The following ERC2 variants were observed in gnomAD, a reference collection of about 807,000 sequenced individuals.
ERC2 encodes the protein ELKS/RAB6-interacting/CAST family member 2, also known as ERC protein 2.
Under a neutral mutation model 114.8 loss-of-function variants are expected in ERC2, and 42 were observed. The ratio of observed to expected loss-of-function variants is 0.37; its 90% confidence interval spans 0.29 to 0.47. The LOEUF is 0.47. Ranked by LOEUF, ERC2 falls within the 20% of genes least tolerant of loss-of-function variation. The pLI, the probability that ERC2 is intolerant of heterozygous loss-of-function variation, is 0.99. For missense variants in ERC2, 939 were observed against 1,150.7 expected (o/e 0.82, Z 2.66); for synonymous variants, 454 against 425.5 (o/e 1.07, Z -0.82).
At chr3:55,557,750 T>C (rs1273141415) in intron 17 of ERC2, among the ~76,000 whole-genome samples, 4 of 152,264 alleles carry the variant, frequency 2.6e-5, no homozygotes, top group African/African-American at 4.8e-5. Context: ...CCCTCTGCTT[T>C]CTGCATTCCC....
intron 14 of ERC2, among the ~76,000 whole-genome samples, chr3:55,820,236 G>T (rs575876406): frequency 1.1e-3 from 160 of 152,228 alleles, no homozygotes; most frequent in African/African-American, 3.6e-3. Context: ...AAACAGCATT[G>T]AGAAACAAGG....
At chr3:55,981,859 A>G (rs1056729097) in intron 12 of ERC2, among the ~76,000 whole-genome samples, 1 of 152,194 alleles carries the variant, frequency 6.6e-6, no homozygotes, top group Non-Finnish European at 1.5e-5. Context: ...CAAAGAAAAG[A>G]AAGAGTGGGG....
intron 13 of ERC2, among the ~76,000 whole-genome samples, chr3:55,892,680 G>A (rs1163102747): frequency 6.6e-6 from 1 of 151,962 alleles, no homozygotes; most frequent in African/African-American, 2.4e-5. Context: ...TATAAACATT[G>A]TTATAATTTC....
At chr3:56,083,278 G>A (rs73072521) in intron 6 of ERC2, among the ~76,000 whole-genome samples, 20,291 of 152,162 alleles carry the variant, frequency 0.13, 1,437 homozygotes, top group East Asian at 0.16. Context: ...AAAGCACCCC[G>A]AGTGAAAGAA....
chr3:56,075,871 A>T (rs1175689803), intron 7 of ERC2, among the ~76,000 whole-genome samples: 1 of 152,206 alleles, frequency 6.6e-6, no homozygotes, highest in East Asian at 1.9e-4. Context: ...TCAATTTTAC[A>T]CTAACAGGGA....
intron 14 of ERC2, among the ~76,000 whole-genome samples, chr3:55,796,972 T>A (rs567221653): frequency 1.4e-3 from 214 of 152,344 alleles, no homozygotes; most frequent in African/African-American, 5.1e-3. Context: ...CAGGCTTTAA[T>A]TCAAACACCT....
chr3:55,957,004 T>C (rs1260432965), intron 12 of ERC2, among the ~76,000 whole-genome samples: 1 of 151,808 alleles, frequency 6.6e-6, no homozygotes, highest in Non-Finnish European at 1.5e-5. Context: ...AACGCCAACA[T>C]ACTTAAAAAA....
intron 17 of ERC2, among the ~76,000 whole-genome samples, chr3:55,534,684 C>G (rs1379426252): frequency 6.6e-6 from 1 of 151,852 alleles, no homozygotes; most frequent in Admixed American, 6.6e-5. Context: ...CAACAGACCT[C>G]GTGTCAAAAA....
chr3:55,590,931 C>T (rs1408458589), intron 17 of ERC2, among the ~76,000 whole-genome samples: 4 of 152,096 alleles, frequency 2.6e-5, no homozygotes, highest in Non-Finnish European at 5.9e-5. Flanking sequence ...CGGGTTCAAG[C>T]GATTCTCATG....
chr3:55,792,498 T>TAATC (rs556050827), intron 14 of ERC2, among the ~76,000 whole-genome samples: 135 of 152,344 alleles, frequency 8.9e-4, no homozygotes, highest in South Asian at 7.3e-3. Context: ...TTCTTACACC[T>TAATC]AATCACCAGC....
intron 2 of ERC2, among the ~76,000 whole-genome samples, chr3:56,350,964 G>A (rs2058529569): frequency 6.6e-6 from 1 of 152,202 alleles, no homozygotes. Context: ...AAAGCTTAGA[G>A]AGTTCAAGCC....
At chr3:56,052,064 A>G (rs1312714610) in intron 7 of ERC2, among the ~76,000 whole-genome samples, 5 of 152,166 alleles carry the variant, frequency 3.3e-5, no homozygotes, top group Admixed American at 6.5e-5. Flanking sequence ...ACTTCGCTTT[A>G]AAAGAAACTA....
intron 13 of ERC2, among the ~76,000 whole-genome samples, chr3:55,945,666 A>C (rs2067081050): frequency 6.6e-6 from 1 of 152,178 alleles, no homozygotes; most frequent in Non-Finnish European, 1.5e-5. Flanking sequence ...TTGGCTGTAC[A>C]GGGTTGCACA....
chr3:55,946,051 T>G (rs2149435511), intron 13 of ERC2, among the ~76,000 whole-genome samples: 1 of 150,626 alleles, frequency 6.6e-6, no homozygotes, highest in East Asian at 1.9e-4. Context: ...CAGTGAGAAA[T>G]AGCTAGAGCT....
At chr3:55,661,155 A>G (rs1031270546) in intron 17 of ERC2, among the ~76,000 whole-genome samples, 2 of 152,142 alleles carry the variant, frequency 1.3e-5, no homozygotes, top group Non-Finnish European at 2.9e-5. Context: ...AAAAATATCT[A>G]TTTATTATCT....
Position 56,031,543 on chromosome 3 carries a change from C to G in ERC2, c.1642-12512G>C, listed in dbSNP as rs149256414. On this transcript the variant is annotated intron_variant, in intron 7 of 17. Transcript: ENST00000288221. Reference sequence around the variant, plus strand: ...AGTCTGTAAAGACTAGAAAAGGAGTCTACTTCTTCAAATGTGCAGACAAAA... The same window carrying G: ...AGTCTGTAAAGACTAGAAAAGGAGTGTACTTCTTCAAATGTGCAGACAAAA... 7.4e-3 allele frequency among the ~76,000 whole-genome samples: 1,120 copies of G among 152,328 alleles called. 12 individuals are homozygous for G. Among genetic ancestry groups the G allele is most frequent in the South Asian group, 0.036 (176 of 4,826 alleles).
At chr3:56,316,679 A>G (rs1277989191) in intron 2 of ERC2, among the ~76,000 whole-genome samples, 1 of 152,192 alleles carries the variant, frequency 6.6e-6, no homozygotes, top group Non-Finnish European at 1.5e-5. Flanking sequence ...TATTAAGAGT[A>G]AAAATAACTA....
intron 5 of ERC2, among the ~76,000 whole-genome samples, chr3:56,140,243 A>G (rs1357479153): frequency 6.6e-6 from 1 of 152,146 alleles, no homozygotes; most frequent in Non-Finnish European, 1.5e-5. Context: ...TTCACCAAAA[A>G]AGATCACTAG....
intron 17 of ERC2, among the ~76,000 whole-genome samples, chr3:55,620,343 T>C (rs1234250811): frequency 6.6e-6 from 1 of 152,232 alleles, no homozygotes; most frequent in African/African-American, 2.4e-5. Flanking sequence ...TCCAGCTAAC[T>C]TGAAAGATGT....
Sources: allele counts gnomAD v4.1 joint callset (sites outside exome capture counted in the v4.1 genomes callset), GRCh38; gene constraint gnomAD v4.1.1; transcripts MANE v1.5; gene names NCBI Gene and HGNC (gene_info 2026-07-23, HGNC 2026-07-21).